Variants in SGK3 observed in about 807,000 individuals in gnomAD.
SGK3 encodes the protein serum/glucocorticoid regulated kinase family member 3.
In SGK3, 47 loss-of-function variants were observed where a neutral mutation model predicts 68.5. The observed-to-expected ratio is 0.69, with a 90% CI of 0.54 to 0.87. The LOEUF is 0.87. Among genes scored for constraint, SGK3 ranks in the 40% least tolerant of loss-of-function variants. The probability of loss-of-function intolerance (pLI) is 0.00; values close to 1 mark genes in which losing one functional copy is unlikely to be tolerated. For synonymous variants in SGK3, 181 were observed against 189.1 expected (o/e 0.96, Z 0.35); for missense variants, 479 against 575.5 (o/e 0.83, Z 1.72).
At chr8:66,829,813 G>A (rs1302512961) in intron 7 of SGK3, among the ~76,000 whole-genome samples, 1 of 151,546 alleles carries the variant, frequency 6.6e-6, no homozygotes, top group Admixed American at 6.6e-5. Context: ...TTGGTTTTAA[G>A]CATTCTTTTC....
At chr8:66,758,289 G>C (rs2130452285) in intron 1 of SGK3, among the ~76,000 whole-genome samples, 1 of 152,124 alleles carries the variant, frequency 6.6e-6, no homozygotes, top group East Asian at 1.9e-4. Flanking sequence ...GGGAGGCGGA[G>C]GTTGCAGTGA....
rs185098309 is a variant in SGK3, at chr8:66,813,189, G to A, written c.254-664G>A. ...GGGTTGCTTGAGCCCAGGATGCAGC[G>A]GTTGCAGTGAGCCTAGATCACACCA... On this transcript the variant is annotated intron_variant, in intron 4 of 16. Transcript: ENST00000521198. 1.4e-3 allele frequency among the ~76,000 whole-genome samples: 219 copies of A among 152,242 alleles called. 1 individual carries two copies. The highest frequency in any genetic ancestry group is 4.6e-3 in the African/African-American group (190 of 41,540).
At chr8:66,770,511 C>T (rs1806473052) in intron 1 of SGK3, among the ~76,000 whole-genome samples, 1 of 151,978 alleles carries the variant, frequency 6.6e-6, no homozygotes, top group South Asian at 2.1e-4. Context: ...GTTTGTTTGG[C>T]AGGACCCAAG....
At chr8:66,714,757 G>C (rs1804585563) in intron 1 of SGK3, among the ~76,000 whole-genome samples, 1 of 152,152 alleles carries the variant, frequency 6.6e-6, no homozygotes, top group Non-Finnish European at 1.5e-5. Flanking sequence ...GAGAGATCTT[G>C]TATGGTTGAT....
At chr8:66,858,120 AC>A (rs1157653031) in intron 16 of SGK3, among the ~76,000 whole-genome samples, 3 of 152,146 alleles carry the variant, frequency 2.0e-5, no homozygotes, top group Non-Finnish European at 2.9e-5. Context: ...AGAAGGCTTT[AC>A]CCACCCATAA....
At chr8:66,788,162 G>A (rs1030088822) in intron 1 of SGK3, among the ~76,000 whole-genome samples, 15 of 152,342 alleles carry the variant, frequency 9.8e-5, no homozygotes, top group Admixed American at 8.5e-4. Context: ...GGAGGAACAA[G>A]CAGTAGGGGA....
chr8:66,740,492 A>G (rs957550436), intron 1 of SGK3, among the ~76,000 whole-genome samples: 1 of 152,206 alleles, frequency 6.6e-6, no homozygotes, highest in Non-Finnish European at 1.5e-5. Context: ...AGTGCAGTTC[A>G]TGGAACATAG....
intron 1 of SGK3, among the ~76,000 whole-genome samples, chr8:66,777,714 G>C (rs936649257): frequency 1.3e-5 from 2 of 152,128 alleles, no homozygotes; most frequent in Non-Finnish European, 2.9e-5. Context: ...CTTACCTGCA[G>C]AATGAAATCC....
chr8:66,843,190 C>A (rs999675323), intron 13 of SGK3, among the ~76,000 whole-genome samples: 13 of 152,186 alleles, frequency 8.5e-5, no homozygotes, highest in African/African-American at 2.9e-4. Flanking sequence ...ATTATAGATT[C>A]TACCTTCGCG....
intron 15 of SGK3, among the ~76,000 whole-genome samples, chr8:66,848,870 A>G (rs975464404): frequency 3.1e-4 from 47 of 152,016 alleles, no homozygotes; most frequent in African/African-American, 8.9e-4. Flanking sequence ...TCATTTCTCA[A>G]TCTACCACAA....
chr8:66,757,573 C>G (rs1806017049), intron 1 of SGK3, among the ~76,000 whole-genome samples: 3 of 151,332 alleles, frequency 2.0e-5, no homozygotes. Context: ...TATGGGCTAT[C>G]TATTTGTACT....
At chr8:66,798,430 C>G (rs989852197) in intron 2 of SGK3, 112 bp from the exon 3 acceptor site, 2 of 818,234 alleles carry the variant, frequency 2.4e-6, no homozygotes, top group Non-Finnish European at 3.7e-6. Flanking sequence ...GGTGAAAGAG[C>G]CAGACTGTCT....
intron 1 of SGK3, among the ~76,000 whole-genome samples, chr8:66,777,806 G>A (rs1360141853): frequency 6.6e-6 from 1 of 152,236 alleles, no homozygotes; most frequent in Non-Finnish European, 1.5e-5. Flanking sequence ...TATAGATGAA[G>A]AGATGAGTTC....
intron 1 of SGK3, among the ~76,000 whole-genome samples, chr8:66,747,847 A>T (rs943010914): frequency 1.3e-5 from 2 of 152,316 alleles, no homozygotes; most frequent in East Asian, 3.9e-4. Context: ...ATTTTTTAAA[A>T]GTCTATTTGA....
At chr8:66,770,975 T>C (rs1335652795) in intron 1 of SGK3, among the ~76,000 whole-genome samples, 4 of 152,230 alleles carry the variant, frequency 2.6e-5, no homozygotes, top group African/African-American at 7.2e-5. Flanking sequence ...TGCTTAGGAA[T>C]CATTTTCTTT....
At chr8:66,806,814 GAA>G (rs71249409) in intron 4 of SGK3, among the ~76,000 whole-genome samples, 6 of 84,606 alleles carry the variant, frequency 7.1e-5, no homozygotes, top group Admixed American at 1.4e-4. Flanking sequence ...ACTCTGTCTC[GAA>G]AAAAAAAAAA....
chr8:66,733,637 T>C (rs1345279114), intron 1 of SGK3, among the ~76,000 whole-genome samples: 1 of 152,208 alleles, frequency 6.6e-6, no homozygotes, highest in Non-Finnish European at 1.5e-5. Context: ...CTAATTTCAG[T>C]AACTCTTAGT....
intron 1 of SGK3, among the ~76,000 whole-genome samples, chr8:66,749,932 GGTGTGT>G (rs139702561): frequency 0.019 from 2,788 of 144,898 alleles, 66 homozygotes; most frequent in South Asian, 0.044. Context: ...TAGTTTCTAG[GGTGTGT>G]GTGTGTGTGT....
chr8:66,732,794 G>A (rs1481393434), intron 1 of SGK3, among the ~76,000 whole-genome samples: 2 of 152,104 alleles, frequency 1.3e-5, no homozygotes, highest in Non-Finnish European at 1.5e-5. Flanking sequence ...GCAGTGAGCC[G>A]AGATGGTGCC....
Sources: gnomAD v4.1 joint callset for allele counts (sites outside exome capture counted in the v4.1 genomes callset) on GRCh38, gnomAD v4.1.1 for gene constraint, MANE v1.5 for transcripts, NCBI Gene and HGNC (gene_info 2026-07-23, HGNC 2026-07-21) for gene names.